The following TFB2M variants were observed in gnomAD, a reference collection of about 807,000 sequenced individuals.
TFB2M encodes the protein transcription factor B2, mitochondrial.
In TFB2M, 44 loss-of-function variants were observed where a neutral mutation model predicts 41.3. The observed-to-expected ratio is 1.07, with a 90% CI of 0.84 to 1.37. The LOEUF (loss-of-function observed/expected upper bound fraction) is 1.37. Among genes scored for constraint, TFB2M ranks in the 40% most tolerant of loss-of-function variants. TFB2M has a pLI of 0.00. For synonymous variants in TFB2M, 188 were observed against 176.8 expected (o/e 1.06, Z -0.50); for missense variants, 496 against 490.2 (o/e 1.01, Z -0.11).
chr1:246,543,693 G>A (rs1274103681), intron 7 of TFB2M, among the ~76,000 whole-genome samples: 1 of 152,186 alleles, frequency 6.6e-6, no homozygotes. Flanking sequence ...CAGCACTTTG[G>A]GAGGCCAAGC....
At chr1:246,545,717 A>G (rs889834804) in intron 6 of TFB2M, among the ~76,000 whole-genome samples, 4 of 143,648 alleles carry the variant, frequency 2.8e-5, no homozygotes, top group African/African-American at 7.6e-5. Context: ...GGAGGCTCAG[A>G]TGGGAGGATG....
At chr1:246,546,086 A>G (rs3124121) in intron 6 of TFB2M, among the ~76,000 whole-genome samples, 93,698 of 151,908 alleles carry the variant, frequency 0.62, 30,916 homozygotes, top group Middle Eastern at 0.78. Flanking sequence ...AGGCCGAGGC[A>G]GGAGGATCGC....
intron 5 of TFB2M, among the ~76,000 whole-genome samples, chr1:246,549,902 G>A (rs1346198352): frequency 6.6e-6 from 1 of 152,092 alleles, no homozygotes; most frequent in East Asian, 1.9e-4. Flanking sequence ...CTTCCCACAC[G>A]CCTGGTCGAG....
At chr1:246,563,263 T>C (rs1183161504) in intron 2 of TFB2M, among the ~76,000 whole-genome samples, 1 of 151,512 alleles carries the variant, frequency 6.6e-6, no homozygotes, top group Non-Finnish European at 1.5e-5. Context: ...TAAGCACTCA[T>C]GTGTGAATAA....
chr1:246,544,678 A>C lies in TFB2M; in HGVS notation c.862T>G (p.Leu288Val). 3 of 1,585,036 alleles carry C rather than the reference A, an allele frequency of 1.9e-6. No homozygotes were observed. The highest frequency in any genetic ancestry group is 2.6e-6 in the Non-Finnish European group (3 of 1,172,590). Residue 288 changes from leucine to valine, a missense_variant, in exon 7 of 8, where the codon TTA becomes GTA. Physicochemically the swap from Leu to Val is conservative, Grantham distance 32. Coordinates refer to ENST00000366514, the MANE Select transcript of TFB2M (RefSeq NM_022366.3). ...AGCTTTTGTTGTAATTGGTCTAATA[A>C]TTCCTGGAGAGAAGAAAAAATGAAT... ...GPLENPKRRE[L>V]LDQLQQKLYL...
chr1:246,544,977 TTG>T (rs1658965008), intron 6 of TFB2M, among the ~76,000 whole-genome samples: 6 of 151,990 alleles, frequency 3.9e-5, no homozygotes, highest in Non-Finnish European at 8.8e-5. Context: ...GGCTAATTTT[TTG>T]TATTTTTAGT....
rs764498048 is a variant in TFB2M, at chr1:246,546,983, A to ACACACACACACACT, written c.858+1561_858+1562insAGTGTGTGTGTGTG. ...TGTATATATACACACACACACACACATTTTTTTTTTTTTTTTTTGAGACAA... is the reference window on the plus strand; with the variant it reads ...TGTATATATACACACACACACACACACACACACACACACTTTTTTTTTTTTTTTTTTTGAGACAA... On this transcript the variant is annotated intron_variant, in intron 6 of 7. Coordinates refer to ENST00000366514, the MANE Select transcript of TFB2M (RefSeq NM_022366.3). Among the ~76,000 whole-genome samples, 78 of 127,176 alleles carry ACACACACACACACT rather than the reference A, an allele frequency of 6.1e-4. 6 individuals carry two copies. Among genetic ancestry groups the ACACACACACACACT allele is most frequent in the Non-Finnish European group, 9.1e-4 (55 of 60,570 alleles). 83.4% of individuals were successfully genotyped at this position (127,176 alleles called of 152,430 possible). A position where few individuals can be genotyped will look rare whatever the true frequency, so the allele number is the denominator to read the frequency against.
intron 2 of TFB2M, among the ~76,000 whole-genome samples, chr1:246,563,436 A>G (rs1450242378): frequency 6.6e-6 from 1 of 152,004 alleles, no homozygotes; most frequent in Non-Finnish European, 1.5e-5. Context: ...AAACCCCGTC[A>G]CTACTAAAAA....
chr1:246,557,279 C>A (rs1444542440), intron 3 of TFB2M, 102 bp downstream of exon 3: 3 of 1,379,200 alleles, frequency 2.2e-6, no homozygotes, highest in Non-Finnish European at 3.0e-6. Flanking sequence ...TCTCAGAAAA[C>A]AAACAAATAA....
intron 7 of TFB2M, among the ~76,000 whole-genome samples, chr1:246,542,985 A>ATTTTTT (rs11380318): frequency 3.5e-5 from 3 of 84,946 alleles, no homozygotes; most frequent in Non-Finnish European, 6.2e-5. Context: ...CTGCCTCCCA[A>ATTTTTT]TTTTTTTTTT....
chr1:246,554,368 G>T (rs2102987892), intron 4 of TFB2M, among the ~76,000 whole-genome samples: 1 of 152,322 alleles, frequency 6.6e-6, no homozygotes, highest in East Asian at 1.9e-4. Flanking sequence ...GTGAGCGGCA[G>T]GTGAACAGGC....
chr1:246,544,994 ATG>A (rs1313261498), intron 6 of TFB2M, among the ~76,000 whole-genome samples: 1 of 151,814 alleles, frequency 6.6e-6, no homozygotes, highest in Non-Finnish European at 1.5e-5. Context: ...TTTAGTAGAG[ATG>A]GGGTTTCACC....
intron 6 of TFB2M, 93 bp downstream of exon 6, chr1:246,548,452 A>G: frequency 1.9e-6 from 2 of 1,033,920 alleles, no homozygotes; most frequent in South Asian, 3.2e-5. Context: ...AAAATTAAAA[A>G]GTTAAATACA....
intron 4 of TFB2M, among the ~76,000 whole-genome samples, chr1:246,555,395 C>T (rs1470488921): frequency 6.6e-6 from 1 of 152,122 alleles, no homozygotes; most frequent in African/African-American, 2.4e-5. Flanking sequence ...GGAGGCCAGC[C>T]TGAGCAACAT....
rs57314783 is a variant in TFB2M, at chr1:246,553,531, G to A, written c.706-2229C>T. The stretch of plus-strand genomic sequence containing the variant: ...AAAAAGACAATAATCAGCCAGGCAC[G>A]GGGGTGCACGCCTGTAGTCCCACCT... On this transcript the variant is annotated intron_variant, in intron 4 of 7. Coordinates refer to ENST00000366514, the MANE Select transcript of TFB2M (RefSeq NM_022366.3). Among the ~76,000 whole-genome samples, 471 of 152,228 alleles carry A rather than the reference G, an allele frequency of 3.1e-3. 2 individuals carry two copies. Among genetic ancestry groups the A allele is most frequent in the African/African-American group, 8.3e-3 (346 of 41,514 alleles).
chr1:246,564,955 A>T (rs560188138), intron 1 of TFB2M, among the ~76,000 whole-genome samples: 1 of 152,350 alleles, frequency 6.6e-6, no homozygotes, highest in South Asian at 2.1e-4. Flanking sequence ...GCTGGATTAC[A>T]GGCGTGAGCC....
At chr1:246,552,963 T>C (rs1002845185) in intron 4 of TFB2M, among the ~76,000 whole-genome samples, 1 of 151,822 alleles carries the variant, frequency 6.6e-6, no homozygotes, top group Non-Finnish European at 1.5e-5. Context: ...GGCTCATACC[T>C]GTAATCCCAG....
At chr1:246,562,428 C>G (rs1483920689) in intron 2 of TFB2M, among the ~76,000 whole-genome samples, 1 of 152,222 alleles carries the variant, frequency 6.6e-6, no homozygotes, top group Non-Finnish European at 1.5e-5. Context: ...GCAACTGTAT[C>G]TGACTACAGG....
intron 2 of TFB2M, among the ~76,000 whole-genome samples, chr1:246,557,884 G>A (rs905445118): frequency 1.6e-4 from 24 of 152,082 alleles, no homozygotes; most frequent in Admixed American, 1.4e-3. Flanking sequence ...TTGGCCAGGA[G>A]AGCCTCAATC....
Sources: allele counts gnomAD v4.1 joint callset (sites outside exome capture counted in the v4.1 genomes callset), GRCh38; gene constraint gnomAD v4.1.1; transcripts MANE v1.5; gene names NCBI Gene and HGNC (gene_info 2026-07-23, HGNC 2026-07-21).